Variants in CDK14 observed in about 807,000 individuals in gnomAD.
The protein encoded by CDK14 is cyclin dependent kinase 14.
In CDK14, 34 loss-of-function variants were observed where a neutral mutation model predicts 60.7. That is an observed-to-expected ratio of 0.56 (90% confidence interval 0.43 to 0.75). The LOEUF (loss-of-function observed/expected upper bound fraction) is 0.75. CDK14 is among the 30% of genes least tolerant of loss of function. CDK14 has a pLI of 0.00. For synonymous variants in CDK14, 197 were observed against 203.7 expected, an observed-to-expected ratio of 0.97 and a Z score of 0.28; for missense variants, 482 against 564.1, an observed-to-expected ratio of 0.85 and a Z score of 1.47.
chr7:91,055,943 A>T (rs1168589551), intron 11 of CDK14, among the ~76,000 whole-genome samples: 1 of 152,174 alleles, frequency 6.6e-6, no homozygotes, highest in Admixed American at 6.5e-5. Context: ...TTTGTAACCT[A>T]ATGTTTTATG....
At chr7:90,822,809 G>A (rs1156702238) in intron 5 of CDK14, among the ~76,000 whole-genome samples, 1 of 152,172 alleles carries the variant, frequency 6.6e-6, no homozygotes, top group South Asian at 2.1e-4. Flanking sequence ...GTAGTAACTC[G>A]TGGAAGGGGC....
At chr7:90,692,552 A>C (rs1005163625) in intron 2 of CDK14, 4 of 225,274 alleles carry the variant, frequency 1.8e-5, no homozygotes, top group Non-Finnish European at 3.0e-5. Context: ...AACCATTTAC[A>C]TGCCACGTTT....
At chr7:90,947,481 C>A (rs915612584) in intron 8 of CDK14, among the ~76,000 whole-genome samples, 22 of 152,114 alleles carry the variant, frequency 1.4e-4, no homozygotes, top group African/African-American at 4.8e-4. Context: ...TATTGGGATA[C>A]GAATAATCTT....
At chr7:90,757,313 G>A (rs563102499) in intron 4 of CDK14, among the ~76,000 whole-genome samples, 1 of 147,996 alleles carries the variant, frequency 6.8e-6, no homozygotes, top group Non-Finnish European at 1.5e-5. Context: ...TTTGATTAAG[G>A]TCCACCCTAA....
At chr7:91,012,091 T>G (rs1265821910) in intron 10 of CDK14, among the ~76,000 whole-genome samples, 1 of 152,218 alleles carries the variant, frequency 6.6e-6, no homozygotes, top group East Asian at 1.9e-4. Context: ...TTCAAGTTAC[T>G]TGAAACTGTT....
chr7:91,078,143 A>G (rs1408640858), intron 11 of CDK14, among the ~76,000 whole-genome samples: 3 of 152,232 alleles, frequency 2.0e-5, no homozygotes, highest in South Asian at 2.1e-4. Flanking sequence ...TGGGGAATCT[A>G]TCCAACAGAA....
chr7:90,610,950 T>C (rs1284835237), intron 2 of CDK14, among the ~76,000 whole-genome samples: 2 of 152,160 alleles, frequency 1.3e-5, no homozygotes, highest in Non-Finnish European at 2.9e-5. Flanking sequence ...TTAATACCGT[T>C]AGGTGTCCAC....
At chr7:91,180,715 G>C (rs1453039584) in intron 14 of CDK14, among the ~76,000 whole-genome samples, 2 of 152,168 alleles carry the variant, frequency 1.3e-5, no homozygotes, top group Non-Finnish European at 2.9e-5. Context: ...ACCCATGCCA[G>C]GGGTGTTTTG....
intron 10 of CDK14, among the ~76,000 whole-genome samples, chr7:91,000,731 A>G (rs1042706639): frequency 6.6e-6 from 1 of 152,214 alleles, no homozygotes; most frequent in Non-Finnish European, 1.5e-5. Context: ...AAGTCTTAAG[A>G]AAGGAGATTA....
intron 8 of CDK14, among the ~76,000 whole-genome samples, chr7:90,952,962 A>G (rs1040718230): frequency 1.3e-5 from 2 of 152,150 alleles, no homozygotes; most frequent in Admixed American, 1.3e-4. Context: ...GTAGTTATAT[A>G]TATTTATACT....
intron 8 of CDK14, among the ~76,000 whole-genome samples, chr7:90,955,293 A>C (rs983909469): frequency 6.6e-6 from 1 of 152,278 alleles, no homozygotes; most frequent in Non-Finnish European, 1.5e-5. Flanking sequence ...AAAACTGAGA[A>C]GTTTCACAAT....
At chr7:90,734,529 A>G (rs1244864980) in intron 3 of CDK14, among the ~76,000 whole-genome samples, 1 of 151,346 alleles carries the variant, frequency 6.6e-6, no homozygotes, top group Non-Finnish European at 1.5e-5. Context: ...TTTTTCTCTA[A>G]TCTTATCTTC....
At chr7:90,884,186 A>C (rs1356011879) in intron 6 of CDK14, among the ~76,000 whole-genome samples, 1 of 152,130 alleles carries the variant, frequency 6.6e-6, no homozygotes, top group Admixed American at 6.5e-5. Flanking sequence ...TAGAAAACCC[A>C]ATCATCTGAG....
chr7:90,781,280 A>C (rs934944260), intron 4 of CDK14, among the ~76,000 whole-genome samples: 1 of 151,906 alleles, frequency 6.6e-6, no homozygotes, highest in Non-Finnish European at 1.5e-5. Context: ...TTTTTCTTAT[A>C]AATTTGTTTG....
At chr7:90,888,856 C>A (rs551521707) in intron 6 of CDK14, among the ~76,000 whole-genome samples, 1 of 152,162 alleles carries the variant, frequency 6.6e-6, no homozygotes, top group Admixed American at 6.5e-5. Flanking sequence ...ATAGCATGAA[C>A]GTCCTTTTCA....
chr7:90,753,667 G>T (rs1209007290), intron 4 of CDK14, among the ~76,000 whole-genome samples: 1 of 152,060 alleles, frequency 6.6e-6, no homozygotes, highest in Non-Finnish European at 1.5e-5. Context: ...GAAATAAAAG[G>T]CATCCAAATA....
intron 5 of CDK14, among the ~76,000 whole-genome samples, chr7:90,791,949 C>A (rs934064066): frequency 6.8e-6 from 1 of 147,954 alleles, no homozygotes; most frequent in Non-Finnish European, 1.5e-5. Flanking sequence ...GTCACCCAGG[C>A]TGGAGTGCAA....
chr7:91,081,474 G>A (rs1446588672), intron 12 of CDK14, among the ~76,000 whole-genome samples: 1 of 152,150 alleles, frequency 6.6e-6, no homozygotes, highest in Non-Finnish European at 1.5e-5. Flanking sequence ...TTTGAATTCA[G>A]TTTAGATGGG....
intron 4 of CDK14, among the ~76,000 whole-genome samples, chr7:90,777,650 G>A (rs1805105187): frequency 6.6e-6 from 1 of 152,176 alleles, no homozygotes; most frequent in South Asian, 2.1e-4. Flanking sequence ...AGCTGCAAAA[G>A]CTCGGCCCAT....
Sources: allele counts gnomAD v4.1 joint callset (sites outside exome capture counted in the v4.1 genomes callset), GRCh38; gene constraint gnomAD v4.1.1; transcripts MANE v1.5; gene names NCBI Gene and HGNC (gene_info 2026-07-23, HGNC 2026-07-21).